The following VCAM1 variants were observed in gnomAD, a reference collection of about 807,000 sequenced individuals.
VCAM1 encodes vascular cell adhesion molecule 1, also known as vascular cell adhesion protein 1.
A neutral mutation model predicts 63.8 loss-of-function variants in VCAM1; 41 were observed. The observed-to-expected ratio is 0.64, with a 90% CI of 0.50 to 0.83. The LOEUF is 0.83. VCAM1 is among the 40% of genes least tolerant of loss of function. The pLI is 0.00. For missense variants in VCAM1, 798 were observed against 875.5 expected, an observed-to-expected ratio of 0.91 and a Z score of 1.12; for synonymous variants, 338 against 320.7, an observed-to-expected ratio of 1.05 and a Z score of -0.58.
chr1:100,734,542 G>T lies in VCAM1; in HGVS notation c.1833G>T (p.Glu611Asp). Residue 611 changes from glutamate (E) to aspartate (D), a missense_variant, in exon 8 of 9, where the codon GAG becomes GAT. Coordinates refer to ENST00000294728, the MANE Select transcript of VCAM1 (RefSeq NM_001078.4). ...TAAAACTTACAGCTTTTCCTTCTGA[G>T]AGTGTCAAAGAAGGAGACACTGTCA... ...KDIKLTAFPS[E>D]SVKEGDTVII... 1 of 1,613,634 alleles carries T rather than the reference G, an allele frequency of 6.2e-7. No homozygotes were observed. The highest frequency in any genetic ancestry group is 1.1e-5 in the South Asian group (1 of 91,030).
chr1:100,726,291 A>C (rs1660158652), intron 4 of VCAM1, among the ~76,000 whole-genome samples: 1 of 152,042 alleles, frequency 6.6e-6, no homozygotes, highest in Admixed American at 6.6e-5. Flanking sequence ...ATTATCTTTA[A>C]ATAGTCTCCC....
rs763040907 is a variant in VCAM1, at chr1:100,729,265, G to C, written c.1087G>C (p.Gly363Arg). The change falls in exon 5 of 9, where the codon GGG becomes CGG. Residue 363 changes from glycine (G) to arginine (R), a missense_variant. Coordinates refer to ENST00000294728, the MANE Select transcript of VCAM1 (RefSeq NM_001078.4). ...TCTGAGCGGGAAGGTGAGGAGTGAG[G>C]GGACCAATTCCACGCTGACCCTGAG... The part of the protein sequence containing the change: ...SPLSGKVRSE[G>R]TNSTLTLSPV... The C allele has an allele frequency of 3.7e-6, 6 of 1,613,434 alleles. No individual in the cohort carries two copies. Among genetic ancestry groups the C allele is most frequent in the Non-Finnish European group, 5.1e-6 (6 of 1,179,720 alleles).
At chr1:100,734,469 C>G in intron 7 of VCAM1, 33 bp from the exon 8 acceptor site, 1 of 1,587,246 alleles carries the variant, frequency 6.3e-7, no homozygotes, top group Non-Finnish European at 8.6e-7. Flanking sequence ...ATATTTCACT[C>G]AATCAGGGAT....
At position 100,729,114 on chromosome 1, in the gene VCAM1, A is replaced by G; in HGVS notation, c.936A>G (p.Pro312=). 6.5e-7 allele frequency: 1 copy of G among 1,534,030 alleles called. No homozygotes were observed. The highest frequency in any genetic ancestry group is 8.8e-7 in the Non-Finnish European group (1 of 1,138,156). Residue 312 remains proline (P), a synonymous_variant, in exon 5 of 9, where the codon CCA becomes CCG. Transcript: ENST00000294728. ...TTTCCACCTGTGTCCCAGAGAAACC[A>G]TTTACTGTTGAGATCTCCCCTGGAC... ...KEVELIVQEK[P]FTVEISPGPR...
Position 100,731,168 on chromosome 1 carries a change from AT to A in VCAM1, c.1205-29del. On this transcript the variant is annotated intron_variant, in intron 5 of 8. Coordinates refer to ENST00000294728, the MANE Select transcript of VCAM1 (RefSeq NM_001078.4). The surrounding 1 kb of genome is among the most constrained non-coding windows in gnomAD (Gnocchi z 4.2). ...CTCAATTTTTCCTTGAATATCAAGAATAAAAATCGTTTTTGCTTGCGATTTG... is the reference window on the plus strand; with the variant it reads ...CTCAATTTTTCCTTGAATATCAAGAAAAAAATCGTTTTTGCTTGCGATTTG... 1 of 1,559,552 alleles carries A rather than the reference AT, an allele frequency of 6.4e-7. No homozygotes were observed. The highest frequency in any genetic ancestry group is 8.6e-7 in the Non-Finnish European group (1 of 1,156,348).
In VCAM1 at chr1:100,731,358, T is replaced by C. The variant is rs369802629; in HGVS notation, c.1365T>C (p.Asp455=). 3 of 1,613,696 alleles carry C rather than the reference T, an allele frequency of 1.9e-6. No individual in the cohort carries two copies. Among genetic ancestry groups the C allele is most frequent in the Non-Finnish European group, 2.5e-6 (3 of 1,179,850 alleles). ...TILENIEFLE[D]TDMKSLENKS... is the part of the protein sequence containing the mutation. ...TGGAGAATATAGAGTTTTTGGAGGA[T>C]ACGGATATGAAATCTCTAGAGAACA... is the stretch of plus-strand genomic sequence containing the variant. The change falls in exon 6 of 9, where the codon GAT becomes GAC. Residue 455 remains aspartate, a synonymous_variant. Coordinates refer to ENST00000294728, the MANE Select transcript of VCAM1 (RefSeq NM_001078.4). The surrounding 1 kb of genome is among the most constrained non-coding windows in gnomAD (Gnocchi z 4.2).
intron 4 of VCAM1, among the ~76,000 whole-genome samples, chr1:100,726,360 C>G (rs1449851867): frequency 1.3e-5 from 2 of 152,016 alleles, no homozygotes; most frequent in Admixed American, 6.6e-5. Context: ...GGTTTATTAC[C>G]TTAAACAAAA....
At position 100,738,176 on chromosome 1, in the gene VCAM1, G is replaced by T; in HGVS notation, c.2113G>T (p.Ala705Ser). 1 of 1,613,712 alleles carries T rather than the reference G, an allele frequency of 6.2e-7. No individual in the cohort carries two copies. ...FSPELLVLYF[A>S]SSLIIPAIGM... ...TCCTGAGCTTCTCGTGCTCTATTTT[G>T]CATCCTCCTTAATAATACCTGCCAT... The change falls in exon 9 of 9, where the codon GCA becomes TCA. Residue 705 changes from alanine (A) to serine (S), a missense_variant. Physicochemically the swap from Ala to Ser is moderately conservative, Grantham distance 99. Transcript: ENST00000294728.
intron 7 of VCAM1, 31 bp downstream of exon 7, chr1:100,732,715 T>C (rs776025682): frequency 4.6e-6 from 7 of 1,511,070 alleles, no homozygotes; most frequent in Non-Finnish European, 6.2e-6. Context: ...GAGTTATCCT[T>C]GCTAGTAATG....
In VCAM1 at chr1:100,732,314, T is replaced by A. The variant is rs3917061; in HGVS notation, c.1526-104T>A. ...TGGTGAATTATCAAGGTTTACAAAC[T>A]CTTTGAGTCTGCTGAATCCATAGCC... On this transcript the variant is annotated intron_variant, in intron 6 of 8. Transcript: ENST00000294728. The A allele has an allele frequency of 3.2e-6, 4 of 1,241,976 alleles. No individual in the cohort carries two copies. The African/African-American group carries it at 6.1e-5, about 19-fold the overall frequency. The allele number at this position is 1,241,976 out of a possible 1,614,324, so 76.9% of individuals were successfully genotyped here.
chr1:100,733,780 C>T (rs1660550938), intron 7 of VCAM1, among the ~76,000 whole-genome samples: 1 of 152,170 alleles, frequency 6.6e-6, no homozygotes, highest in Non-Finnish European at 1.5e-5. Context: ...CAACTCAAAA[C>T]TCAGAAACCT....
At chr1:100,729,478 T>G in intron 5 of VCAM1, 96 bp downstream of exon 5, 1 of 1,408,050 alleles carries the variant, frequency 7.1e-7, no homozygotes, top group Non-Finnish European at 9.4e-7. Flanking sequence ...ATCCTTATGT[T>G]TAGAAAAGGA....
chr1:100,733,988 C>T (rs951614798), intron 7 of VCAM1, among the ~76,000 whole-genome samples: 6 of 152,110 alleles, frequency 3.9e-5, no homozygotes, highest in African/African-American at 1.4e-4. Flanking sequence ...GAAGACCTCA[C>T]AAAATGTGCA....
chr1:100,724,568 T>C, intron 3 of VCAM1, 56 bp from the exon 4 acceptor site: 1 of 1,568,750 alleles, frequency 6.4e-7, no homozygotes, highest in Non-Finnish European at 8.7e-7. Context: ...ATACATTACC[T>C]CTGTTGCACT....
In VCAM1 at chr1:100,723,293, A is replaced by T. The variant is rs201542521; in HGVS notation, c.614A>T (p.Asp205Val). The change falls in exon 3 of 9, where the codon GAT becomes GTT. Residue 205 changes from aspartate to valine, a missense_variant. By Grantham distance (152) the Asp-to-Val change is radical. Transcript: ENST00000294728. ...GCTAAATTACACATTGATGAAATGG[A>T]TTCTGTGCCCACAGTAAGGCAGGCT... Reference protein sequence around the residue: ...CRAKLHIDEMDSVPTVRQAVK... With the variant: ...CRAKLHIDEMVSVPTVRQAVK... 6.2e-7 allele frequency: 1 copy of T among 1,612,926 alleles called. No individual in the cohort carries two copies. Among genetic ancestry groups the T allele is most frequent in the Non-Finnish European group, 8.5e-7 (1 of 1,179,324 alleles).
chr1:100,731,690 T>C lies in VCAM1; in HGVS notation c.1525+172T>C, dbSNP rs1660462621. On this transcript the variant is annotated intron_variant, in intron 6 of 8. Transcript: ENST00000294728. This position sits in a 1 kb window ranked among gnomAD's most constrained non-coding sequence, Gnocchi z 4.2. ...CAAATCACCCTCCCTAAACTTAAAA[T>C]AGTAACTATTTACTGGCTTATGATG... is the stretch of plus-strand genomic sequence containing the variant. Among the ~76,000 whole-genome samples the C allele has an allele frequency of 1.3e-5, 2 of 152,146 alleles. No homozygotes were observed. Among genetic ancestry groups the C allele is most frequent in the African/African-American group, 4.8e-5 (2 of 41,436 alleles).
rs3917045 is a variant in VCAM1 at position 100,727,989 on chromosome 1, T to C, written c.929-1118T>C. On this transcript the variant is annotated intron_variant, in intron 4 of 8. Transcript: ENST00000294728. ...TCTTTCTTTTACCTTAAGCCTGTAATTTACAAGTAAGATTTCAGTGATTTT... is the reference window on the plus strand; with the variant it reads ...TCTTTCTTTTACCTTAAGCCTGTAACTTACAAGTAAGATTTCAGTGATTTT... Among the ~76,000 whole-genome samples the C allele has an allele frequency of 7.1e-3, 1,082 of 152,058 alleles. 19 individuals are homozygous for C. The highest frequency in any genetic ancestry group is 0.025 in the African/African-American group (1,033 of 41,404).
At chr1:100,726,372 G>A (rs1471958805) in intron 4 of VCAM1, among the ~76,000 whole-genome samples, 1 of 151,974 alleles carries the variant, frequency 6.6e-6, no homozygotes, top group African/African-American at 2.4e-5. Context: ...TAAACAAAAA[G>A]GTGCTCATTT....
At chr1:100,734,058 A>C (rs938458801) in intron 7 of VCAM1, among the ~76,000 whole-genome samples, 2 of 152,126 alleles carry the variant, frequency 1.3e-5, no homozygotes, top group Non-Finnish European at 2.9e-5. Context: ...GGCAAGAGAG[A>C]GTGAGGAAGT....
Sources: gnomAD v4.1 joint callset for allele counts (sites outside exome capture counted in the v4.1 genomes callset) on GRCh38, gnomAD v4.1.1 for gene constraint, Gnocchi (gnomAD v3.1) non-coding constraint, MANE v1.5 for transcripts, NCBI Gene and HGNC (gene_info 2026-07-23, HGNC 2026-07-21) for gene names.